The following F13A1 variants were observed in gnomAD, a reference collection of about 807,000 sequenced individuals.
F13A1 encodes the protein FSF, A subunit.
F13A1 carries 47 observed loss-of-function variants against 80.1 expected under a neutral mutation model. That is an observed-to-expected ratio of 0.59 (90% CI 0.46 to 0.75). The LOEUF (loss-of-function observed/expected upper bound fraction) is 0.75, where lower values mean the gene tolerates loss of function less well. F13A1 is among the 30% of genes least tolerant of loss of function. F13A1 has a pLI of 0.00. For synonymous variants in F13A1, 349 were observed against 344.9 expected, an observed-to-expected ratio of 1.01 and a Z score of -0.13; for missense variants, 817 against 930.4, an observed-to-expected ratio of 0.88 and a Z score of 1.59.
At chr6:6,306,096 A>G (rs1758508801) in intron 2 of F13A1, among the ~76,000 whole-genome samples, 1 of 152,232 alleles carries the variant, frequency 6.6e-6, no homozygotes, top group Admixed American at 6.5e-5. Flanking sequence ...CTGTAATTCT[A>G]AAAGTAGATC....
rs1309952204 is a variant in F13A1, at chr6:6,286,943, G to T, written c.319+18408C>A. Reference sequence around the variant, plus strand: ...TATCCTTCCTTAAGGAATACCATAAGAATTTAGCTTTCCTACATAGTTGCA... The same window carrying T: ...TATCCTTCCTTAAGGAATACCATAATAATTTAGCTTTCCTACATAGTTGCA... On this transcript the variant is annotated intron_variant, in intron 3 of 14. Transcript: ENST00000264870. 5.3e-5 allele frequency among the ~76,000 whole-genome samples: 8 copies of T among 152,198 alleles called. No homozygotes were observed. The East Asian group carries it at 1.3e-3, about 26-fold the overall frequency.
At chr6:6,164,766 C>T (rs1460565336) in intron 13 of F13A1, among the ~76,000 whole-genome samples, 2 of 149,420 alleles carry the variant, frequency 1.3e-5, no homozygotes, top group African/African-American at 4.9e-5. Flanking sequence ...TCCATCTTCC[C>T]CTCCCCTCCC....
intron 13 of F13A1, among the ~76,000 whole-genome samples, chr6:6,157,814 C>T (rs1368294606): frequency 1.3e-5 from 2 of 152,136 alleles, no homozygotes; most frequent in Non-Finnish European, 2.9e-5. Flanking sequence ...ATGTGTGTCT[C>T]TTTTTAAGAT....
chr6:6,147,672 T>A (rs7772909), intron 14 of F13A1, among the ~76,000 whole-genome samples: 1 of 152,122 alleles, frequency 6.6e-6, no homozygotes, highest in African/African-American at 2.4e-5. Context: ...GTACTGTAGA[T>A]AACCACCTCA....
intron 14 of F13A1, among the ~76,000 whole-genome samples, chr6:6,149,508 G>A (rs992476926): frequency 2.0e-5 from 3 of 152,148 alleles, no homozygotes; most frequent in Admixed American, 6.5e-5. Context: ...ATGAGGGTGG[G>A]GCTCATGATG....
At chr6:6,290,676 T>A (rs1758211370) in intron 3 of F13A1, among the ~76,000 whole-genome samples, 1 of 152,174 alleles carries the variant, frequency 6.6e-6, no homozygotes, top group South Asian at 2.1e-4. Context: ...GAGAACACAC[T>A]CTGGGAAACA....
intron 3 of F13A1, among the ~76,000 whole-genome samples, chr6:6,287,640 T>A (rs1758157864): frequency 6.6e-6 from 1 of 152,140 alleles, no homozygotes; most frequent in South Asian, 2.1e-4. Flanking sequence ...CTAGGGACCA[T>A]AAGCTTCACT....
chr6:6,290,014 C>T (rs1478223231), intron 3 of F13A1, among the ~76,000 whole-genome samples: 1 of 152,106 alleles, frequency 6.6e-6, no homozygotes, highest in East Asian at 1.9e-4. Flanking sequence ...CAGACTGTCC[C>T]CTCTGGACAA....
rs182741567 is a variant in F13A1 at position 6,225,149 on chromosome 6, G to C, written c.799-289C>G. Among the ~76,000 whole-genome samples, 231 of 152,338 alleles carry C rather than the reference G, an allele frequency of 1.5e-3. 1 individual carries two copies. Among genetic ancestry groups the C allele is most frequent in the African/African-American group, 5.4e-3 (226 of 41,568 alleles). On this transcript the variant is annotated intron_variant, in intron 6 of 14. Transcript: ENST00000264870. The stretch of plus-strand genomic sequence containing the variant: ...TGTGACACCTACCGGATTGGAAGAA[G>C]ACATACATAGGACACTTGGTTTGGG...
intron 6 of F13A1, among the ~76,000 whole-genome samples, 194 bp downstream of exon 6, chr6:6,248,118 G>A (rs1305182560): frequency 1.2e-4 from 18 of 152,144 alleles, no homozygotes; most frequent in Admixed American, 1.2e-3. Flanking sequence ...GTATTGAGAC[G>A]ATAATTTTGT....
intron 13 of F13A1, among the ~76,000 whole-genome samples, chr6:6,160,035 G>A (rs1377530824): frequency 6.6e-6 from 1 of 151,934 alleles, no homozygotes; most frequent in African/African-American, 2.4e-5. Context: ...CCAGCACTTT[G>A]GGAGGCCAAG....
intron 3 of F13A1, among the ~76,000 whole-genome samples, chr6:6,271,216 T>C (rs1757916249): frequency 6.6e-6 from 1 of 152,204 alleles, no homozygotes; most frequent in Non-Finnish European, 1.5e-5. Flanking sequence ...ATTACACCCA[T>C]GTTTAATTCT....
At chr6:6,246,677 C>T (rs113492945) in intron 6 of F13A1, among the ~76,000 whole-genome samples, 6 of 152,288 alleles carry the variant, frequency 3.9e-5, no homozygotes, top group African/African-American at 1.2e-4. Context: ...TAACAGCTTC[C>T]GCTTAGCCAG....
In F13A1 at chr6:6,258,107, T is replaced by C. The variant is rs181330716; in HGVS notation, c.572-7178A>G. Among the ~76,000 whole-genome samples the C allele has an allele frequency of 8.7e-4, 132 of 152,346 alleles. 1 individual carries two copies. The East Asian group carries it at 0.015, about 17-fold the overall frequency. Reference sequence around the variant, plus strand: ...CGGCTGGCCATCTATTGGTTTTTTTTCTTTTGTTACACAATGCCAGATACT... The same window carrying C: ...CGGCTGGCCATCTATTGGTTTTTTTCCTTTTGTTACACAATGCCAGATACT... On this transcript the variant is annotated intron_variant, in intron 4 of 14. Coordinates refer to ENST00000264870, the MANE Select transcript of F13A1 (RefSeq NM_000129.4).
intron 8 of F13A1, among the ~76,000 whole-genome samples, chr6:6,209,671 G>A (rs1192393773): frequency 6.6e-6 from 1 of 152,134 alleles, no homozygotes; most frequent in African/African-American, 2.4e-5. Context: ...TCAATGAAAG[G>A]GAATGAGGTA....
At chr6:6,199,214 G>T (rs1318230841) in intron 8 of F13A1, among the ~76,000 whole-genome samples, 1 of 152,202 alleles carries the variant, frequency 6.6e-6, no homozygotes, top group African/African-American at 2.4e-5. Context: ...TATTGGTCGG[G>T]CGCAGTGGCT....
At chr6:6,209,144 A>T (rs1761551123) in intron 8 of F13A1, among the ~76,000 whole-genome samples, 1 of 152,136 alleles carries the variant, frequency 6.6e-6, no homozygotes, top group Non-Finnish European at 1.5e-5. Context: ...TCAACAATAC[A>T]AAAGTAGGTC....
chr6:6,286,764 A>C (rs1758145754), intron 3 of F13A1, among the ~76,000 whole-genome samples: 1 of 152,226 alleles, frequency 6.6e-6, no homozygotes, highest in Non-Finnish European at 1.5e-5. Flanking sequence ...AATCTTAAGA[A>C]AGAAGAGAAA....
chr6:6,173,439 G>A lies in F13A1; in HGVS notation c.1747+1141C>T, dbSNP rs143917692. On this transcript the variant is annotated intron_variant, in intron 12 of 14. Transcript: ENST00000264870. ...TTTTTTTTTTTTGAGACGGAGTATCGCTCAGTCACCCAGGCTGGAGGGCAG... is the reference window on the plus strand; with the variant it reads ...TTTTTTTTTTTTGAGACGGAGTATCACTCAGTCACCCAGGCTGGAGGGCAG... Among the ~76,000 whole-genome samples the A allele has an allele frequency of 2.9e-5, 4 of 140,020 alleles. No homozygotes were observed. In the East Asian group the frequency reaches 8.2e-4, roughly 29 times the overall value. 91.9% of individuals were successfully genotyped at this position (140,020 alleles called of 152,430 possible).
Sources: allele counts gnomAD v4.1 joint callset (sites outside exome capture counted in the v4.1 genomes callset), GRCh38; gene constraint gnomAD v4.1.1; transcripts MANE v1.5; gene names NCBI Gene and HGNC (gene_info 2026-07-23, HGNC 2026-07-21).